The following C7orf78 variants were observed in gnomAD, a reference collection of about 807,000 sequenced individuals.
The protein encoded by C7orf78 is chromosome 7 open reading frame 78, also known as putative uncharacterized protein C7orf78.
At chr7:12,506,506 G>C in the C7orf78 span, among the ~76,000 whole-genome samples, 140,340 of 152,188 alleles carry the variant, frequency 0.92, 64,739 homozygotes, top group East Asian at 1. Flanking sequence ...ATAGATGAAG[G>C]TGTAAACCAT....
chr7:12,488,306 C>T, the C7orf78 span, among the ~76,000 whole-genome samples: 1 of 152,084 alleles, frequency 6.6e-6, no homozygotes, highest in East Asian at 1.9e-4. Flanking sequence ...TACAACTCAC[C>T]ATTAAATTTC....
the C7orf78 span, among the ~76,000 whole-genome samples, chr7:12,509,703 G>A: frequency 6.6e-6 from 1 of 152,176 alleles, no homozygotes; most frequent in Non-Finnish European, 1.5e-5. Flanking sequence ...TCCCACGTAT[G>A]AGTGAGAACA....
At chr7:12,530,127 A>G in the C7orf78 span, among the ~76,000 whole-genome samples, 7,753 of 152,140 alleles carry the variant, frequency 0.051, 275 homozygotes, top group Middle Eastern at 0.099. Context: ...AGATTCCCCA[A>G]TTGGCAACTG....
At chr7:12,506,199 G>A in the C7orf78 span, 6 of 152,294 alleles carry the variant, frequency 3.9e-5, no homozygotes, top group African/African-American at 1.4e-4. Flanking sequence ...TGGTGGGAGT[G>A]TAAATTAGTT....
chr7:12,536,792 A>G, the C7orf78 span, among the ~76,000 whole-genome samples: 3 of 152,162 alleles, frequency 2.0e-5, no homozygotes, highest in Non-Finnish European at 4.4e-5. Flanking sequence ...TCAAAGTTCC[A>G]CAAGTCTCTA....
chr7:12,531,794 A>G, the C7orf78 span, among the ~76,000 whole-genome samples: 1 of 152,166 alleles, frequency 6.6e-6, no homozygotes, highest in Non-Finnish European at 1.5e-5. Flanking sequence ...ACACAGACAC[A>G]TGTGGGTGGG....
Sources: gnomAD v4.1 joint callset for allele counts (sites outside exome capture counted in the v4.1 genomes callset) on GRCh38, gnomAD v4.1.1 for gene constraint, MANE v1.5 for transcripts, NCBI Gene and HGNC (gene_info 2026-07-23, HGNC 2026-07-21) for gene names.